RUNDC3B: variants seen among roughly 807,000 people sequenced by gnomAD.
RUNDC3B encodes RUN domain containing 3B, also known as RUN domain-containing protein 3B.
Under a neutral mutation model 58.4 loss-of-function variants are expected in RUNDC3B, and 33 were observed. The ratio of observed to expected loss-of-function variants is 0.56; its 90% CI spans 0.43 to 0.75. The LOEUF is 0.75. Ranked by LOEUF, RUNDC3B falls within the 30% of genes least tolerant of loss-of-function variation. The probability of loss-of-function intolerance (pLI) is 0.00; values close to 1 mark genes in which losing one functional copy is unlikely to be tolerated. For synonymous variants in RUNDC3B, 193 were observed against 195.2 expected (o/e 0.99, Z 0.10); for missense variants, 501 against 535.7 (o/e 0.94, Z 0.64).
chr7:87,658,039 T>C (rs1277591756), intron 2 of RUNDC3B, among the ~76,000 whole-genome samples: 1 of 152,104 alleles, frequency 6.6e-6, no homozygotes, highest in Non-Finnish European at 1.5e-5. Context: ...ACCAGGAAGA[T>C]CTCAGATTGC....
Position 87,650,841 on chromosome 7 carries a change from A to T in RUNDC3B, c.142A>T (p.Ile48Phe). ...TVCRFSVKTL[I>F]DRSCFETIDD... ...TCATAGGTTTTCTGTGAAGACCCTGATTGATCGGTCTTGCTTTGAGACAAT... is the reference window on the plus strand; with the variant it reads ...TCATAGGTTTTCTGTGAAGACCCTGTTTGATCGGTCTTGCTTTGAGACAAT... Residue 48 changes from isoleucine to phenylalanine, a missense_variant, in exon 2 of 11, where the codon ATT (isoleucine) becomes TTT (phenylalanine). Ile to Phe is a conservative substitution (Grantham distance 21, BLOSUM62 0). Coordinates refer to ENST00000394654, the MANE Select transcript of RUNDC3B (RefSeq NM_001134405.2). 1 of 1,608,278 alleles carries T rather than the reference A, an allele frequency of 6.2e-7. No individual in the cohort carries two copies. The highest frequency in any genetic ancestry group is 8.5e-7 in the Non-Finnish European group (1 of 1,174,902).
At chr7:87,707,838 C>T (rs912162122) in intron 3 of RUNDC3B, among the ~76,000 whole-genome samples, 20 of 151,864 alleles carry the variant, frequency 1.3e-4, no homozygotes, top group Admixed American at 9.8e-4. Context: ...TGTTCTCTAA[C>T]CACAGTGGAA....
At chr7:87,771,130 G>A (rs1424910232) in intron 7 of RUNDC3B, among the ~76,000 whole-genome samples, 1 of 152,144 alleles carries the variant, frequency 6.6e-6, no homozygotes, top group Non-Finnish European at 1.5e-5. Flanking sequence ...GTTAAGCACT[G>A]TAGTAGGCAA....
Position 87,773,719 on chromosome 7 carries a change from C to T in RUNDC3B, c.798+2970C>T, listed in dbSNP as rs557010720. On this transcript the variant is annotated intron_variant, in intron 7 of 10. Coordinates refer to ENST00000394654, the MANE Select transcript of RUNDC3B (RefSeq NM_001134405.2). ...TTGAGATGGAGTCTCGCTTTGTCAC[C>T]CAGGCTGGAGTGCAGTGGCGCGATC... 5.3e-5 allele frequency among the ~76,000 whole-genome samples: 8 copies of T among 151,254 alleles called. No homozygotes were observed. The South Asian group carries it at 6.3e-4, about 12-fold the overall frequency.
intron 2 of RUNDC3B, among the ~76,000 whole-genome samples, chr7:87,684,915 A>T (rs546972106): frequency 6.6e-6 from 1 of 152,282 alleles, no homozygotes; most frequent in African/African-American, 2.4e-5. Flanking sequence ...GTGTGCAAAA[A>T]AAAAGTGAAC....
chr7:87,695,485 G>A (rs563463135), intron 2 of RUNDC3B, among the ~76,000 whole-genome samples: 1 of 152,184 alleles, frequency 6.6e-6, no homozygotes, highest in South Asian at 2.1e-4. Flanking sequence ...AGCTTTTGCA[G>A]TGACATCAGA....
chr7:87,632,016 T>C (rs1342274026), intron 1 of RUNDC3B, among the ~76,000 whole-genome samples: 1 of 152,172 alleles, frequency 6.6e-6, no homozygotes. Context: ...ATTACGTATG[T>C]GCATTTTTCT....
intron 2 of RUNDC3B, among the ~76,000 whole-genome samples, chr7:87,660,607 T>C (rs1296020570): frequency 2.6e-5 from 4 of 152,034 alleles, no homozygotes; most frequent in Admixed American, 2.6e-4. Flanking sequence ...AACTAATTTA[T>C]GGCTTTGCTG....
intron 8 of RUNDC3B, among the ~76,000 whole-genome samples, chr7:87,799,232 T>C (rs1835987126): frequency 6.6e-6 from 1 of 152,220 alleles, no homozygotes; most frequent in Non-Finnish European, 1.5e-5. Context: ...ATTAAACATA[T>C]AGTTCCTACC....
intron 9 of RUNDC3B, 116 bp from the exon 10 acceptor site, chr7:87,816,025 A>G: frequency 1.4e-6 from 1 of 709,788 alleles, no homozygotes; most frequent in Non-Finnish European, 2.3e-6. Context: ...TTTAGGAGAA[A>G]TGCTGGGGAG....
intron 6 of RUNDC3B, among the ~76,000 whole-genome samples, chr7:87,757,151 C>G (rs952607336): frequency 5.3e-5 from 8 of 152,140 alleles, no homozygotes; most frequent in Non-Finnish European, 1.5e-5. Flanking sequence ...CACAACCCCC[C>G]ACGAGCTCCT....
At chr7:87,705,026 A>C (rs1421645274) in intron 3 of RUNDC3B, among the ~76,000 whole-genome samples, 1 of 152,228 alleles carries the variant, frequency 6.6e-6, no homozygotes, top group Admixed American at 6.5e-5. Context: ...TACAGTATAC[A>C]AGTACACTTG....
At chr7:87,719,924 A>G (rs1367690963) in intron 4 of RUNDC3B, among the ~76,000 whole-genome samples, 1 of 151,184 alleles carries the variant, frequency 6.6e-6, no homozygotes, top group Non-Finnish European at 1.5e-5. Flanking sequence ...TGTAGGTAAA[A>G]TTCTTCTAAG....
intron 6 of RUNDC3B, among the ~76,000 whole-genome samples, chr7:87,754,242 C>T (rs753856773): frequency 1.3e-5 from 2 of 152,238 alleles, no homozygotes; most frequent in Non-Finnish European, 2.9e-5. Context: ...CAAACACACT[C>T]TTGGACCACA....
chr7:87,655,322 T>C (rs1823986648), intron 2 of RUNDC3B, among the ~76,000 whole-genome samples: 1 of 152,090 alleles, frequency 6.6e-6, no homozygotes, highest in South Asian at 2.1e-4. Flanking sequence ...CTCAACCTAA[T>C]TGTCCATCTA....
chr7:87,787,874 G>A (rs975618614), intron 8 of RUNDC3B, among the ~76,000 whole-genome samples: 9 of 152,184 alleles, frequency 5.9e-5, no homozygotes, highest in Middle Eastern at 3.4e-3. Flanking sequence ...AAAATGCTAC[G>A]GATCAAACAA....
At chr7:87,812,250 G>A (rs184989960) in intron 9 of RUNDC3B, among the ~76,000 whole-genome samples, 31 of 152,300 alleles carry the variant, frequency 2.0e-4, no homozygotes, top group African/African-American at 7.5e-4. Flanking sequence ...CAAATAGTTA[G>A]ATGTTGAATT....
intron 6 of RUNDC3B, among the ~76,000 whole-genome samples, chr7:87,742,575 AATAG>A (rs3028187): frequency 0.13 from 19,810 of 147,728 alleles, 1,337 homozygotes; most frequent in African/African-American, 0.16. Flanking sequence ...ATCATAGATA[AATAG>A]ATAGATAGAT....
At chr7:87,759,363 G>A (rs543231780) in intron 6 of RUNDC3B, among the ~76,000 whole-genome samples, 2 of 152,082 alleles carry the variant, frequency 1.3e-5, no homozygotes, top group African/African-American at 4.8e-5. Flanking sequence ...AAGTCGGGAT[G>A]ATTAATGGGT....
Sources: gnomAD v4.1 joint callset for allele counts (sites outside exome capture counted in the v4.1 genomes callset) on GRCh38, gnomAD v4.1.1 for gene constraint, MANE v1.5 for transcripts, NCBI Gene and HGNC (gene_info 2026-07-23, HGNC 2026-07-21) for gene names.